The following TRIM5 variants were observed in gnomAD, a reference collection of about 807,000 sequenced individuals.
TRIM5 encodes the protein tripartite motif containing 5.
Under a neutral mutation model 35.6 loss-of-function variants are expected in TRIM5, and 31 were observed. The observed-to-expected ratio is 0.87, with a 90% confidence interval of 0.65 to 1.18. TRIM5 has a LOEUF of 1.18. Ranked by LOEUF, TRIM5 falls within the 50% of genes most tolerant of loss-of-function variation. The probability of loss-of-function intolerance (pLI) is 0.00; values close to 1 mark genes in which losing one functional copy is unlikely to be tolerated. For missense variants in TRIM5, 609 were observed against 591.6 expected, an observed-to-expected ratio of 1.03 and a Z score of -0.31; for synonymous variants, 243 against 215.6, an observed-to-expected ratio of 1.13 and a Z score of -1.11.
chr11:5,677,900 T>C (rs1852115511), intron 4 of TRIM5: 2 of 241,044 alleles, frequency 8.3e-6, no homozygotes, highest in Non-Finnish European at 1.6e-5. Flanking sequence ...AGCTGAGCAA[T>C]GAAAAGCTGC....
chr11:5,683,549 T>A (rs1352602894), intron 1 of TRIM5, among the ~76,000 whole-genome samples: 1 of 149,936 alleles, frequency 6.7e-6, no homozygotes, highest in Non-Finnish European at 1.5e-5. Context: ...AATACACCAA[T>A]CGGCACTCTG....
chr11:5,665,121 A>G lies in TRIM5; in HGVS notation c.1170T>C (p.Asn390=), dbSNP rs1216260820. ...AGCCGTATTTAGGTTGATAATTTTC[A>G]TTTTTTTCAATATTACACATTGCAT... is the stretch of plus-strand genomic sequence containing the variant. ...QPDAMCNIEK[N]ENYQPKYGYW... The change falls in exon 8 of 8, where the codon AAT becomes AAC. Residue 390 remains asparagine, a synonymous_variant. Coordinates refer to ENST00000380034, the MANE Select transcript of TRIM5 (RefSeq NM_033034.3). The G allele has an allele frequency of 1.2e-6, 2 of 1,613,846 alleles. No individual in the cohort carries two copies. Among genetic ancestry groups the G allele is most frequent in the Non-Finnish European group, 1.7e-6 (2 of 1,179,978 alleles).
chr11:5,665,827 C>G (rs1488748161), intron 6 of TRIM5, 145 bp from the exon 7 acceptor site: 5 of 1,326,162 alleles, frequency 3.8e-6, no homozygotes, highest in Non-Finnish European at 4.1e-6. Flanking sequence ...AGCCACCTAG[C>G]CATTTCCCAT....
Position 5,665,244 on chromosome 11 carries a change from C to T in TRIM5, c.1047G>A (p.Leu349=), listed in dbSNP as rs372066955. The T allele has an allele frequency of 6.3e-5, 102 of 1,614,050 alleles. No individual in the cohort carries two copies. Among genetic ancestry groups the T allele is most frequent in the Non-Finnish European group, 8.6e-5 (101 of 1,180,038 alleles). The change falls in exon 8 of 8, where the codon CTG becomes CTA. Residue 349 remains leucine (L), a synonymous_variant. Transcript: ENST00000380034. ...TCCCTGATGTGATACTTTGAGAGCC[C>T]AGGATGCCAGTACAATAATTGAAAT... is the stretch of plus-strand genomic sequence containing the variant. ...FVNFNYCTGI[L]GSQSITSGKH...
the TRIM5 span, chr11:5,603,852 G>C: frequency 6.9e-7 from 1 of 1,451,944 alleles, no homozygotes; most frequent in South Asian, 1.5e-5. Flanking sequence ...GAATGAACCT[G>C]GAAACTGCCT....
chr11:5,661,391 G>A (rs1180920515), downstream of TRIM5, among the ~76,000 whole-genome samples: 2 of 151,970 alleles, frequency 1.3e-5, no homozygotes, highest in Non-Finnish European at 2.9e-5. Flanking sequence ...TAGCCCCTAC[G>A]AACTCTCATT....
chr11:5,603,471 A>G, the TRIM5 span: 1 of 1,614,116 alleles, frequency 6.2e-7, no homozygotes, highest in Non-Finnish European at 8.5e-7. Context: ...AAGAAGGGGA[A>G]AGAAGCTGCC....
chr11:5,592,640 G>C, the TRIM5 span, among the ~76,000 whole-genome samples: 1 of 152,138 alleles, frequency 6.6e-6, no homozygotes, highest in Non-Finnish European at 1.5e-5. Flanking sequence ...GATGGGGCCA[G>C]GCGTGGTGGC....
chr11:5,602,419 G>T, the TRIM5 span, among the ~76,000 whole-genome samples: 1 of 151,774 alleles, frequency 6.6e-6, no homozygotes, highest in African/African-American at 2.4e-5. Context: ...CTCCAGCCTG[G>T]GCGACAGAGC....
the TRIM5 span, among the ~76,000 whole-genome samples, chr11:5,642,169 G>GA: frequency 3.3e-5 from 5 of 152,160 alleles, no homozygotes; most frequent in African/African-American, 4.8e-5. Flanking sequence ...TTTTAAGGAA[G>GA]AAACTGTGCT....
At position 5,665,761 on chromosome 11, in the gene TRIM5, A is replaced by G. The variant is rs1396079597; in HGVS notation, c.869-79T>C. Reference sequence around the variant, plus strand: ...AATTCATTTTCTCTCCAGATTAGGGAAAGAGTAGGTATGCCCTATGGTAGG... The same window carrying G: ...AATTCATTTTCTCTCCAGATTAGGGGAAGAGTAGGTATGCCCTATGGTAGG... On this transcript the variant is annotated intron_variant, in intron 6 of 7. Transcript: ENST00000380034. 2.0e-6 allele frequency: 3 copies of G among 1,475,584 alleles called. No individual in the cohort carries two copies. The African/African-American group carries it at 4.3e-5, about 21-fold the overall frequency. The allele number at this position is 1,475,584 out of a possible 1,614,324, so 91.4% of individuals were successfully genotyped here. A position where few individuals can be genotyped will look rare whatever the true frequency, so the allele number is the denominator to read the frequency against.
Position 5,680,031 on chromosome 11 carries a change from GTC to G in TRIM5, c.145_146del (p.Asp49GlnfsTer5). The part of the protein sequence containing the change: ...LTANHKKSML[D>X]KGESSCPVCR... ...ACACAGGGCAGCTACTCTCTCCTTT[GTC>G]TAGCATGGACTTCTTGTGGTTTGCA... On this transcript the variant is annotated frameshift_variant, in exon 2 of 8. Transcript: ENST00000380034. LOFTEE classifies it high-confidence loss of function. 6.2e-7 allele frequency: 1 copy of G among 1,614,114 alleles called. No individual in the cohort carries two copies. The highest frequency in any genetic ancestry group is 8.5e-7 in the Non-Finnish European group (1 of 1,180,020).
intron 4 of TRIM5, among the ~76,000 whole-genome samples, chr11:5,668,286 A>G (rs1450041151): frequency 6.7e-6 from 1 of 150,068 alleles, no homozygotes; most frequent in Non-Finnish European, 1.5e-5. Flanking sequence ...AAACAAAAAG[A>G]AAATCACAAA....
At chr11:5,670,232 C>T (rs1485599711) in intron 4 of TRIM5, among the ~76,000 whole-genome samples, 1 of 122,140 alleles carries the variant, frequency 8.2e-6, no homozygotes, top group African/African-American at 3.3e-5. Flanking sequence ...GGCTGGAGTG[C>T]AGTGGTGCGA....
the TRIM5 span, chr11:5,645,774 T>C: frequency 4.5e-6 from 1 of 220,316 alleles, no homozygotes; most frequent in Non-Finnish European, 8.7e-6. Context: ...TGTATGTTGA[T>C]TCTCTGGATA....
chr11:5,610,501 T>A, the TRIM5 span: 1 of 1,614,078 alleles, frequency 6.2e-7, no homozygotes. Flanking sequence ...CAGTTGGTCC[T>A]ATTCAACATT....
intron 5 of TRIM5, 65 bp from the exon 6 acceptor site, chr11:5,666,146 G>A: frequency 2.2e-6 from 3 of 1,365,674 alleles, no homozygotes; most frequent in Non-Finnish European, 3.0e-6. Flanking sequence ...GAACACCCCT[G>A]ACTTCCTATC....
chr11:5,610,985 G>A, the TRIM5 span: 1 of 1,614,038 alleles, frequency 6.2e-7, no homozygotes, highest in Non-Finnish European at 8.5e-7. Flanking sequence ...GGATCCTGGG[G>A]GTATGCAGCA....
the TRIM5 span, among the ~76,000 whole-genome samples, chr11:5,640,251 G>C: frequency 6.6e-6 from 1 of 152,198 alleles, no homozygotes; most frequent in East Asian, 1.9e-4. Flanking sequence ...GTTAGCTGTA[G>C]GTTTTTCATA....
Sources: allele counts gnomAD v4.1 joint callset (sites outside exome capture counted in the v4.1 genomes callset), GRCh38; gene constraint gnomAD v4.1.1; transcripts MANE v1.5; gene names NCBI Gene and HGNC (gene_info 2026-07-23, HGNC 2026-07-21).